The following PPP1R37 variants were observed in gnomAD, a reference collection of about 807,000 sequenced individuals.
The protein encoded by PPP1R37 is leucine rich repeat containing 68.
Under a neutral mutation model 61.0 loss-of-function variants are expected in PPP1R37, and 21 were observed. The ratio of observed to expected loss-of-function variants is 0.34; its 90% CI spans 0.24 to 0.50. PPP1R37 has a LOEUF of 0.50. Ranked by LOEUF, PPP1R37 falls within the 20% of genes least tolerant of loss-of-function variation. PPP1R37 has a pLI of 0.98. For missense variants in PPP1R37, 910 were observed against 952.7 expected, an observed-to-expected ratio of 0.96 and a Z score of 0.59; for synonymous variants, 443 against 433.5, an observed-to-expected ratio of 1.02 and a Z score of -0.27.
chr19:45,125,736 A>T (rs917014573), intron 1 of PPP1R37, among the ~76,000 whole-genome samples: 3 of 152,172 alleles, frequency 2.0e-5, no homozygotes, highest in Admixed American at 6.5e-5. Flanking sequence ...TTTGGGGAGG[A>T]CAGCGGGGAG....
At chr19:45,115,248 G>T (rs1358912723) in intron 1 of PPP1R37, among the ~76,000 whole-genome samples, 1 of 152,228 alleles carries the variant, frequency 6.6e-6, no homozygotes, top group Admixed American at 6.5e-5. Flanking sequence ...GAACAGAGGA[G>T]ACAGTGGCGA....
chr19:45,119,290 G>T (rs1297349852), intron 1 of PPP1R37, among the ~76,000 whole-genome samples: 1 of 152,160 alleles, frequency 6.6e-6, no homozygotes, highest in African/African-American at 2.4e-5. Context: ...GAGTAGCTGG[G>T]ATTACAGGCA....
chr19:45,093,553 C>CGGGCTCGAGAGGGACCCGGGAGT (rs1461464831), intron 1 of PPP1R37, 26 bp downstream of exon 1: 2 of 1,519,460 alleles, frequency 1.3e-6, no homozygotes, highest in Non-Finnish European at 1.8e-6. Flanking sequence ...GAAGCGGGGG[C>CGGGCTCGAGAGGGACCCGGGAGT]GGGCTCGAGA....
chr19:45,134,425 G>A (rs1265366911), intron 1 of PPP1R37, among the ~76,000 whole-genome samples: 3 of 152,244 alleles, frequency 2.0e-5, no homozygotes, highest in Non-Finnish European at 2.9e-5. Context: ...CTGTCAGCGC[G>A]AACTTCCTCT....
intron 1 of PPP1R37, among the ~76,000 whole-genome samples, 156 bp from the exon 2 acceptor site, chr19:45,138,358 G>T (rs926848895): frequency 3.3e-5 from 5 of 152,204 alleles, no homozygotes; most frequent in Non-Finnish European, 7.3e-5. Context: ...GTGGCCAGCG[G>T]GGGGCCTGAA....
chr19:45,121,156 T>G lies in PPP1R37; in HGVS notation c.203-17358T>G, dbSNP rs536164321. Among the ~76,000 whole-genome samples the G allele has an allele frequency of 3.3e-5, 5 of 152,288 alleles. No individual in the cohort carries two copies. In the South Asian group the frequency reaches 1.0e-3, roughly 32 times the overall value. ...TAGAAGGGCCCCAAGCAGTGTTTGT[T>G]CTCTTCCCCCATGCCTCTCTGCTGA... On this transcript the variant is annotated intron_variant, in intron 1 of 12. Transcript: ENST00000221462. This position sits in a 1 kb window ranked among gnomAD's most constrained non-coding sequence, Gnocchi z 4.2.
At chr19:45,140,178 C>A in intron 2 of PPP1R37, 58 bp from the exon 3 acceptor site, 1 of 1,439,250 alleles carries the variant, frequency 6.9e-7, no homozygotes, top group Non-Finnish European at 9.4e-7. Context: ...CCATTTGGGG[C>A]CTCGGCTGCC....
chr19:45,126,946 T>C (rs1000669173), intron 1 of PPP1R37, among the ~76,000 whole-genome samples: 16 of 152,260 alleles, frequency 1.1e-4, no homozygotes, highest in Non-Finnish European at 1.3e-4. Flanking sequence ...TTCACCTTAA[T>C]GTGTGAGTTG....
intron 1 of PPP1R37, among the ~76,000 whole-genome samples, chr19:45,112,130 C>T (rs1968209362): frequency 6.6e-6 from 1 of 152,050 alleles, no homozygotes; most frequent in Non-Finnish European, 1.5e-5. Flanking sequence ...TGCCACCACA[C>T]CTGGCTAACT....
rs540925905 is a variant in PPP1R37 at position 45,143,588 on chromosome 19, C to T, written c.942C>T (p.Asn314=). ...RKGLVTLVLW[N]NQLTHTGMAF... ...GGCTGGTGACCCTGGTGCTGTGGAA[C>T]AACCAGCTCACGCACACAGGCATGG... The change falls in exon 8 of 13, where the codon AAC becomes AAT. Residue 314 remains asparagine (N), a synonymous_variant. Coordinates refer to ENST00000221462, the MANE Select transcript of PPP1R37 (RefSeq NM_019121.2). 14 of 1,535,900 alleles carry T rather than the reference C, an allele frequency of 9.1e-6. No homozygotes were observed. The East Asian group carries it at 2.9e-4, about 32-fold the overall frequency.
chr19:45,099,355 C>T (rs149386356), intron 1 of PPP1R37, among the ~76,000 whole-genome samples: 26 of 152,350 alleles, frequency 1.7e-4, no homozygotes, highest in African/African-American at 6.3e-4. Context: ...TGTCTCAGCC[C>T]ACTAGTAGAA....
chr19:45,093,431 G>A lies in PPP1R37; in HGVS notation c.106G>A (p.Asp36Asn), dbSNP rs1380812283. ...TCCCAGCCCCGCGTCGCCCCCCGCC[G>A]ATGGGCGCCTCAAGGCTGCAGCCAA... Reference protein sequence around the residue: ...GSPSPASPPADGRLKAAAKRV... With the variant: ...GSPSPASPPANGRLKAAAKRV... Residue 36 changes from aspartate to asparagine, a missense_variant, in exon 1 of 13, where the codon GAT becomes AAT. By Grantham distance (23) the Asp-to-Asn change is conservative. This residue lies in a region of PPP1R37 where 81 missense variants were observed against 65.4 expected (regional missense o/e 1.24). Coordinates refer to ENST00000221462, the MANE Select transcript of PPP1R37 (RefSeq NM_019121.2). The A allele has an allele frequency of 6.5e-7, 1 of 1,534,936 alleles. No individual in the cohort carries two copies. Among genetic ancestry groups the A allele is most frequent in the East Asian group, 2.4e-5 (1 of 40,858 alleles).
chr19:45,134,356 A>G (rs1264265799), intron 1 of PPP1R37, among the ~76,000 whole-genome samples: 2 of 152,138 alleles, frequency 1.3e-5, no homozygotes, highest in Admixed American at 6.5e-5. Context: ...TGATCAGGGA[A>G]TTGAAGCTGT....
chr19:45,144,693 A>G (rs756579804), intron 8 of PPP1R37, 161 bp from the exon 9 acceptor site: 4 of 616,078 alleles, frequency 6.5e-6, no homozygotes. Context: ...ACTTCAGGCC[A>G]GGCCTGCGGC....
chr19:45,104,884 G>A (rs1266055804), intron 1 of PPP1R37, among the ~76,000 whole-genome samples: 1 of 152,140 alleles, frequency 6.6e-6, no homozygotes, highest in African/African-American at 2.4e-5. Flanking sequence ...CCCCACCTAC[G>A]CACACAGGTG....
intron 1 of PPP1R37, among the ~76,000 whole-genome samples, chr19:45,126,288 C>G (rs1332218646): frequency 6.6e-6 from 1 of 152,214 alleles, no homozygotes; most frequent in African/African-American, 2.4e-5. Flanking sequence ...ACATACGGTT[C>G]TGGAGGGCAG....
intron 1 of PPP1R37, among the ~76,000 whole-genome samples, chr19:45,094,852 C>T (rs1967972295): frequency 6.6e-6 from 1 of 152,078 alleles, no homozygotes; most frequent in Non-Finnish European, 1.5e-5. Flanking sequence ...GGCCAGCGCA[C>T]TGGAGAGGGT....
Position 45,145,194 on chromosome 19 carries a change from G to T in PPP1R37, c.1230G>T (p.Ser410=), listed in dbSNP as rs766450857. ...EIKTGGLMAL[S]LALKVNHSLL... Reference sequence around the variant, plus strand: ...AGACAGGCGGGCTCATGGCACTGTCGTTGGCCCTCAAGGTGAACCACTCAC... The same window carrying T: ...AGACAGGCGGGCTCATGGCACTGTCTTTGGCCCTCAAGGTGAACCACTCAC... Residue 410 remains serine (S), a synonymous_variant, in exon 10 of 13, where the codon TCG becomes TCT. Transcript: ENST00000221462. 2.0e-6 allele frequency: 3 copies of T among 1,535,262 alleles called. No homozygotes were observed. The highest frequency in any genetic ancestry group is 2.6e-6 in the Non-Finnish European group (3 of 1,146,526).
At chr19:45,123,746 G>T (rs1298930011) in intron 1 of PPP1R37, among the ~76,000 whole-genome samples, 1 of 152,250 alleles carries the variant, frequency 6.6e-6, no homozygotes, top group Admixed American at 6.5e-5. Context: ...TGCAGGGAAT[G>T]CTTTAGGGCA....
Sources: allele counts gnomAD v4.1 joint callset (sites outside exome capture counted in the v4.1 genomes callset), GRCh38; gene constraint gnomAD v4.1.1; regional missense constraint gnomAD v4.1.1; non-coding constraint Gnocchi (gnomAD v3.1); transcripts MANE v1.5; gene names NCBI Gene and HGNC (gene_info 2026-07-23, HGNC 2026-07-21).